DTNB: variants seen among roughly 807,000 people sequenced by gnomAD.
DTNB encodes DTN-B.
Under a neutral mutation model 90.7 loss-of-function variants are expected in DTNB, and 63 were observed. The ratio of observed to expected loss-of-function variants is 0.69; its 90% CI spans 0.57 to 0.86. The LOEUF is 0.86. Among genes scored for constraint, DTNB ranks in the 40% least tolerant of loss-of-function variants. The pLI is 0.00. For synonymous variants in DTNB, 277 were observed against 286.7 expected (o/e 0.97, Z 0.34); for missense variants, 744 against 807.1 (o/e 0.92, Z 0.95).
rs953804158 is a variant in DTNB, at chr2:25,558,351, G to C, written c.876+18487C>G. ...ACTACTGGGTCACAGAGAACACAGT[G>C]ATCTTCCCACACATGGAAGCAGAAG... On this transcript the variant is annotated intron_variant, in intron 8 of 20. Transcript: ENST00000406818. 3 of 985,282 alleles carry C rather than the reference G, an allele frequency of 3.0e-6. No individual in the cohort carries two copies. In the African/African-American group the frequency reaches 5.2e-5, roughly 17 times the overall value. The allele number at this position is 985,282 out of a possible 1,614,324, so 61.0% of individuals were successfully genotyped here.
Position 25,596,087 on chromosome 2 carries a change from T to G in DTNB, c.602A>C (p.Gln201Pro), listed in dbSNP as rs1327475606. Reference protein sequence around the residue: ...EHSVRTCFPQQRKIMLNMFLD... With the variant: ...EHSVRTCFPQPRKIMLNMFLD... ...TAGATTCTATAAAACTGTCCTTACC[T>G]GCTGTGGAAAACAGGTGCGGACTGA... The change falls in exon 6 of 21, where the codon CAG (glutamine) becomes CCG (proline). Residue 201 changes from glutamine (Q) to proline (P), a missense_variant and splice_region_variant. Transcript: ENST00000406818. The G allele has an allele frequency of 6.2e-7, 1 of 1,602,696 alleles. No homozygotes were observed. Among genetic ancestry groups the G allele is most frequent in the Non-Finnish European group, 8.5e-7 (1 of 1,176,264 alleles).
At chr2:25,423,064 C>G (rs1194655819) in intron 15 of DTNB, among the ~76,000 whole-genome samples, 14 of 152,098 alleles carry the variant, frequency 9.2e-5, no homozygotes. Flanking sequence ...GTGGCGGGTG[C>G]CTGTAATCCC....
At chr2:25,441,339 G>T (rs938724181) in intron 12 of DTNB, among the ~76,000 whole-genome samples, 1 of 152,072 alleles carries the variant, frequency 6.6e-6, no homozygotes, top group Admixed American at 6.6e-5. Context: ...CTTGCTTCTA[G>T]GCCCTTGGAT....
At chr2:25,429,298 T>C (rs2149914361) in intron 14 of DTNB, among the ~76,000 whole-genome samples, 1 of 152,354 alleles carries the variant, frequency 6.6e-6, no homozygotes, top group African/African-American at 2.4e-5. Flanking sequence ...ATGAGGCTGT[T>C]AGAAATGTTT....
intron 2 of DTNB, among the ~76,000 whole-genome samples, chr2:25,648,243 T>C (rs1301640364): frequency 4.6e-5 from 7 of 152,210 alleles, no homozygotes; most frequent in Non-Finnish European, 1.0e-4. Flanking sequence ...TTCTATGTAA[T>C]ATATTCCATT....
intron 15 of DTNB, chr2:25,426,551 A>C (rs1185595155): frequency 6.6e-6 from 1 of 152,208 alleles, no homozygotes; most frequent in East Asian, 1.9e-4. Flanking sequence ...TAAACCAGCA[A>C]CCCAACACCA....
intron 8 of DTNB, among the ~76,000 whole-genome samples, chr2:25,535,338 C>T (rs1218364719): frequency 4.6e-5 from 6 of 130,306 alleles, no homozygotes; most frequent in Admixed American, 1.6e-4. Flanking sequence ...ACCTCCCATT[C>T]GGGGCAGCCG....
Position 25,530,863 on chromosome 2 carries a change from T to C in DTNB, c.1001+610A>G, listed in dbSNP as rs535257544. ...ATTTAATTCAGAGTGAAGAAAGCAG[T>C]TTACAGGCTGAATCTTACCCTTCAC... On this transcript the variant is annotated intron_variant, in intron 9 of 20. Transcript: ENST00000406818. Among the ~76,000 whole-genome samples the C allele has an allele frequency of 3.0e-4, 46 of 152,310 alleles. No homozygotes were observed. The South Asian group carries it at 9.1e-3, about 30-fold the overall frequency.
At chr2:25,658,248 C>CTCCA (rs2148984881) in intron 1 of DTNB, among the ~76,000 whole-genome samples, 1 of 146,742 alleles carries the variant, frequency 6.8e-6, no homozygotes, top group South Asian at 2.1e-4. Context: ...CAGAGTGAGA[C>CTCCA]TCCATCTCAA....
At chr2:25,379,573 G>T (rs2036972870) in intron 19 of DTNB, 6 of 408,122 alleles carry the variant, frequency 1.5e-5, no homozygotes, top group Non-Finnish European at 2.5e-5. Context: ...TTAAAAAATG[G>T]AATCAAAACT....
chr2:25,598,651 C>T lies in DTNB; in HGVS notation c.449-2411G>A, dbSNP rs541925631. Among the ~76,000 whole-genome samples the T allele has an allele frequency of 3.9e-4, 59 of 152,160 alleles. No individual in the cohort carries two copies. In the East Asian group the frequency reaches 0.011, roughly 28 times the overall value. On this transcript the variant is annotated intron_variant, in intron 5 of 20. Transcript: ENST00000406818. ...ACAAAAACACATAAGCAGGAATTGT[C>T]AAGTTCTAAAATAAAGACATTTGGA...
intron 10 of DTNB, chr2:25,481,928 T>C (rs2065049427): frequency 6.6e-6 from 1 of 152,256 alleles, no homozygotes; most frequent in Non-Finnish European, 1.5e-5. Context: ...CATCATTGTC[T>C]TAAGCACTAT....
intron 2 of DTNB, among the ~76,000 whole-genome samples, chr2:25,640,161 C>G (rs1180048369): frequency 6.6e-6 from 1 of 152,184 alleles, no homozygotes; most frequent in East Asian, 1.9e-4. Context: ...ATACATGAGT[C>G]TATAAATCAC....
rs763871899 is a variant in DTNB, at chr2:25,628,181, C to T, written c.352G>A (p.Ala118Thr). 1.2e-6 allele frequency: 2 copies of T among 1,613,774 alleles called. No homozygotes were observed. Among genetic ancestry groups the T allele is most frequent in the South Asian group, 2.2e-5 (2 of 91,050 alleles). Residue 118 changes from alanine (A) to threonine (T), a missense_variant, in exon 4 of 21, where the codon GCA (alanine) becomes ACA (threonine). Ala to Thr is a moderately conservative substitution (Grantham distance 58, BLOSUM62 0). Coordinates refer to ENST00000406818, the MANE Select transcript of DTNB (RefSeq NM_021907.5). ...TAAGGTACTACTAGCCTGTCATATG[C>T]AGCAATCATAAAGTTGAGGAGGAGG... ...ISLLLNFMIA[A>T]YDSEGRGKLT...
At chr2:25,559,674 T>C (rs1303474687) in intron 8 of DTNB, among the ~76,000 whole-genome samples, 1 of 152,184 alleles carries the variant, frequency 6.6e-6, no homozygotes, top group East Asian at 1.9e-4. Flanking sequence ...GAACCTGCAT[T>C]ACCTTATATG....
chr2:25,609,528 G>T (rs1197468583), intron 4 of DTNB, among the ~76,000 whole-genome samples: 1 of 151,658 alleles, frequency 6.6e-6, no homozygotes, highest in Non-Finnish European at 1.5e-5. Context: ...AACCCAGGAG[G>T]CGGAGGTTGC....
intron 9 of DTNB, among the ~76,000 whole-genome samples, chr2:25,520,180 G>A (rs1037238800): frequency 6.6e-6 from 1 of 152,166 alleles, no homozygotes; most frequent in African/African-American, 2.4e-5. Context: ...TCAGGAGTTT[G>A]AGACCAGCCC....
intron 6 of DTNB, among the ~76,000 whole-genome samples, chr2:25,585,759 C>T (rs2062282283): frequency 6.6e-6 from 1 of 152,172 alleles, no homozygotes; most frequent in Non-Finnish European, 1.5e-5. Context: ...AGGGACACTT[C>T]TAAAGTTTTC....
chr2:25,591,720 AT>A (rs2063609049), intron 6 of DTNB, among the ~76,000 whole-genome samples: 3 of 152,154 alleles, frequency 2.0e-5, no homozygotes, highest in Admixed American at 2.0e-4. Flanking sequence ...CAATTTTTCT[AT>A]TATTAAAATT....
Sources: gnomAD v4.1 joint callset for allele counts (sites outside exome capture counted in the v4.1 genomes callset) on GRCh38, gnomAD v4.1.1 for gene constraint, MANE v1.5 for transcripts, NCBI Gene and HGNC (gene_info 2026-07-23, HGNC 2026-07-21) for gene names.